Variants in MAST4 observed in about 807,000 individuals in gnomAD.
MAST4 encodes microtubule associated serine/threonine kinase family member 4, also known as microtubule-associated serine/threonine-protein kinase 4.
Under a neutral mutation model 162.7 loss-of-function variants are expected in MAST4, and 89 were observed. The observed-to-expected ratio is 0.55, with a 90% CI of 0.46 to 0.65. The LOEUF (loss-of-function observed/expected upper bound fraction) is 0.65, where lower values mean the gene tolerates loss of function less well. Among genes scored for constraint, MAST4 ranks in the 30% least tolerant of loss-of-function variants. The probability of loss-of-function intolerance (pLI) is 0.00; values close to 1 mark genes in which losing one functional copy is unlikely to be tolerated. For synonymous variants in MAST4, 1,479 were observed against 1,361.1 expected (o/e 1.09, Z -1.91); for missense variants, 3,153 against 3,374.0 (o/e 0.93, Z 1.62).
intron 1 of MAST4, among the ~76,000 whole-genome samples, chr5:66,672,606 C>T (rs184498197): frequency 2.2e-4 from 33 of 152,236 alleles, no homozygotes; most frequent in Non-Finnish European, 4.1e-4. Context: ...TTCTCAGGCC[C>T]CTTTTATATT....
At chr5:66,674,546 A>G (rs1468469967) in intron 1 of MAST4, among the ~76,000 whole-genome samples, 1 of 152,216 alleles carries the variant, frequency 6.6e-6, no homozygotes, top group Non-Finnish European at 1.5e-5. Flanking sequence ...ACATAAGACA[A>G]GTGAAAAGAT....
At chr5:66,648,354 T>C (rs1746000259) in intron 1 of MAST4, among the ~76,000 whole-genome samples, 1 of 151,984 alleles carries the variant, frequency 6.6e-6, no homozygotes. Flanking sequence ...AAGAATCAAG[T>C]GAACAGGATG....
intron 3 of MAST4, among the ~76,000 whole-genome samples, chr5:66,821,668 G>A (rs1171322596): frequency 1.3e-5 from 2 of 152,186 alleles, no homozygotes; most frequent in East Asian, 3.8e-4. Flanking sequence ...TGTTCTCAGA[G>A]TGAACATTAA....
chr5:66,980,204 G>T (rs1346256479), intron 4 of MAST4, among the ~76,000 whole-genome samples: 1 of 152,166 alleles, frequency 6.6e-6, no homozygotes, highest in South Asian at 2.1e-4. Context: ...AGTCCCCCAG[G>T]GGTCAAGGAT....
At chr5:66,924,549 G>A (rs1049360685) in intron 4 of MAST4, among the ~76,000 whole-genome samples, 2 of 151,962 alleles carry the variant, frequency 1.3e-5, no homozygotes, top group Non-Finnish European at 2.9e-5. Flanking sequence ...GTCCGCCACC[G>A]CGTCCACCAC....
chr5:66,706,605 G>A (rs1400141128), intron 1 of MAST4, among the ~76,000 whole-genome samples: 1 of 83,080 alleles, frequency 1.2e-5, no homozygotes, highest in African/African-American at 6.1e-5. Context: ...GAAAGAAATA[G>A]TAATTTTTTT....
chr5:67,110,890 G>A (rs1439430997), intron 11 of MAST4, among the ~76,000 whole-genome samples: 1 of 152,124 alleles, frequency 6.6e-6, no homozygotes, highest in Non-Finnish European at 1.5e-5. Context: ...CAGGTGTGGT[G>A]GTGCACGCCT....
chr5:66,930,895 G>C (rs1186892053), intron 4 of MAST4: 5 of 416,616 alleles, frequency 1.2e-5, no homozygotes, highest in Non-Finnish European at 2.5e-5. Flanking sequence ...TTGTATACTT[G>C]GTCCTGTGGA....
chr5:67,102,361 A>T (rs749015703), intron 8 of MAST4, 175 bp from the exon 9 acceptor site: 5 of 668,538 alleles, frequency 7.5e-6, no homozygotes, highest in Non-Finnish European at 1.4e-5. Flanking sequence ...CTTTGTGTTT[A>T]TGGGAATGTA....
intron 3 of MAST4, among the ~76,000 whole-genome samples, chr5:66,825,261 G>GAC (rs56076405): frequency 0.057 from 7,784 of 135,394 alleles, 272 homozygotes; most frequent in Non-Finnish European, 0.078. Context: ...TAAAAACTAA[G>GAC]ACACACACAC....
At chr5:67,064,969 A>C (rs1760053970) in intron 5 of MAST4, among the ~76,000 whole-genome samples, 1 of 152,180 alleles carries the variant, frequency 6.6e-6, no homozygotes, top group African/African-American at 2.4e-5. Context: ...TACTTTGTCC[A>C]TTTTTGTATT....
chr5:67,045,064 G>C (rs1177224188), intron 4 of MAST4, among the ~76,000 whole-genome samples: 2 of 152,254 alleles, frequency 1.3e-5, no homozygotes, highest in African/African-American at 4.8e-5. Flanking sequence ...TCATAAGTTG[G>C]ACTATATGTT....
chr5:66,881,212 C>T (rs1487739586), intron 3 of MAST4, among the ~76,000 whole-genome samples: 1 of 152,142 alleles, frequency 6.6e-6, no homozygotes, highest in Non-Finnish European at 1.5e-5. Context: ...CATGATACTG[C>T]TTCCCAACAT....
chr5:66,975,855 C>A (rs1748079493), intron 4 of MAST4, among the ~76,000 whole-genome samples: 1 of 152,072 alleles, frequency 6.6e-6, no homozygotes, highest in African/African-American at 2.4e-5. Context: ...ATTAGCTGGG[C>A]TTGGTGGTGC....
At chr5:66,635,233 G>C (rs1050457700) in intron 1 of MAST4, among the ~76,000 whole-genome samples, 3 of 152,104 alleles carry the variant, frequency 2.0e-5, no homozygotes, top group African/African-American at 7.3e-5. Context: ...AACCGTGCCA[G>C]AGTGAAAGAG....
At position 67,133,571 on chromosome 5, in the gene MAST4, G is replaced by A; in HGVS notation, c.2151G>A (p.Val717=). 1 of 1,613,438 alleles carries A rather than the reference G, an allele frequency of 6.2e-7. No homozygotes were observed. Among genetic ancestry groups the A allele is most frequent in the Non-Finnish European group, 8.5e-7 (1 of 1,179,496 alleles). ...IKLTDFGLSK[V]GLMSMTTNLY... ...TGACAGATTTTGGATTATCTAAGGTGGGACTAATGAGCATGACTACCAACC... is the reference window on the plus strand; with the variant it reads ...TGACAGATTTTGGATTATCTAAGGTAGGACTAATGAGCATGACTACCAACC... Residue 717 remains valine (V), a synonymous_variant, in exon 17 of 29, where the codon GTG becomes GTA. Transcript: ENST00000403625.
At chr5:67,113,758 A>T (rs1046230284) in intron 11 of MAST4, among the ~76,000 whole-genome samples, 1 of 152,222 alleles carries the variant, frequency 6.6e-6, no homozygotes, top group Admixed American at 6.5e-5. Flanking sequence ...CAACTTTGCT[A>T]GAAAGGCACA....
At chr5:67,084,632 C>A (rs1347053632) in intron 5 of MAST4, among the ~76,000 whole-genome samples, 1 of 152,100 alleles carries the variant, frequency 6.6e-6, no homozygotes, top group Non-Finnish European at 1.5e-5. Context: ...CCATCACTTA[C>A]AGTTATAAAT....
intron 5 of MAST4, among the ~76,000 whole-genome samples, chr5:67,056,970 T>C (rs1343753525): frequency 1.3e-5 from 2 of 152,124 alleles, no homozygotes; most frequent in African/African-American, 4.8e-5. Flanking sequence ...CCCAAAGTGC[T>C]GGGATCATAG....
Sources: gnomAD v4.1 joint callset for allele counts (sites outside exome capture counted in the v4.1 genomes callset) on GRCh38, gnomAD v4.1.1 for gene constraint, MANE v1.5 for transcripts, NCBI Gene and HGNC (gene_info 2026-07-23, HGNC 2026-07-21) for gene names.